C2orf49: variants seen among roughly 807,000 people sequenced by gnomAD.
C2orf49 encodes tRNA-splicing ligase complex subunit ASW.
A neutral mutation model predicts 20.6 loss-of-function variants in C2orf49; 11 were observed. The ratio of observed to expected loss-of-function variants is 0.53; its 90% CI spans 0.34 to 0.88. The LOEUF (loss-of-function observed/expected upper bound fraction) is 0.88. Ranked by LOEUF, C2orf49 falls within the 40% of genes least tolerant of loss-of-function variation. The pLI, the probability that C2orf49 is intolerant of heterozygous loss-of-function variation, is 0.02. For synonymous variants in C2orf49, 134 were observed against 108.5 expected, an observed-to-expected ratio of 1.24 and a Z score of -1.46; for missense variants, 289 against 274.2, an observed-to-expected ratio of 1.05 and a Z score of -0.38.
the C2orf49 span, among the ~76,000 whole-genome samples, chr2:105,381,413 C>T: frequency 5.9e-5 from 9 of 152,176 alleles, no homozygotes; most frequent in East Asian, 3.9e-4. Context: ...GACATGGAAA[C>T]GGAGGCTTAT....
the C2orf49 span, chr2:105,374,267 C>A: frequency 6.4e-6 from 1 of 157,428 alleles, no homozygotes; most frequent in Non-Finnish European, 1.4e-5. Flanking sequence ...CTGTGGGTGG[C>A]CGTGAGCTGG....
At chr2:105,341,916 G>A (rs746662152) in intron 2 of C2orf49, among the ~76,000 whole-genome samples, 9 of 152,280 alleles carry the variant, frequency 5.9e-5, no homozygotes, top group Middle Eastern at 3.4e-3. Context: ...AGTGGCTCAC[G>A]CCTGTAATCC....
At chr2:105,367,506 C>T in the C2orf49 span, 1 of 1,495,688 alleles carries the variant, frequency 6.7e-7, no homozygotes, top group Non-Finnish European at 9.0e-7. Flanking sequence ...AGAGAACTGA[C>T]AGACATGGAC....
At chr2:105,337,721 G>GGGGGGGGGGGGGGGGGGC in intron 1 of C2orf49, 35 bp downstream of exon 1, 3 of 26,800 alleles carry the variant, frequency 1.1e-4, no homozygotes, top group Non-Finnish European at 1.3e-4. Context: ...GGGCGGGTGG[G>GGGGGGGGGGGGGGGGGGC]CCTTCCCAGG....
At chr2:105,363,487 G>A in the C2orf49 span, 5 of 1,592,874 alleles carry the variant, frequency 3.1e-6, no homozygotes, top group Admixed American at 8.8e-5. Context: ...GGGACGAGGG[G>A]GAGAGTTAGT....
At chr2:105,344,456 T>G (rs2576770) in intron 3 of C2orf49, among the ~76,000 whole-genome samples, 115,242 of 151,542 alleles carry the variant, frequency 0.76, 44,047 homozygotes, top group East Asian at 0.86. Flanking sequence ...TATATATATA[T>G]AGAGAGAGAG....
rs1679878744 is a variant in C2orf49 at position 105,348,964 on chromosome 2, T to A, written c.*3593T>A. The A allele has an allele frequency of 6.6e-6, 1 of 152,094 alleles. No individual in the cohort carries two copies. Among genetic ancestry groups the A allele is most frequent in the African/African-American group, 2.4e-5 (1 of 41,408 alleles). The allele number at this position is 152,094 out of a possible 1,614,324, so 9.4% of individuals were successfully genotyped here. On this transcript the variant is annotated 3_prime_UTR_variant, in exon 4 of 4. Coordinates refer to ENST00000258457, the MANE Select transcript of C2orf49 (RefSeq NM_024093.3). The stretch of plus-strand genomic sequence containing the variant: ...TTGAATGAGAGGGTGGCTGGAGTGG[T>A]CTGGTGCTGGGATATCACGGTGCTA...
chr2:105,378,096 A>G, the C2orf49 span: 1 of 466,866 alleles, frequency 2.1e-6, no homozygotes, highest in Non-Finnish European at 4.5e-6. Context: ...CCCCAGATGG[A>G]GGAAAGAGCA....
chr2:105,350,843 C>T (rs1679915268), downstream of C2orf49, among the ~76,000 whole-genome samples: 1 of 152,144 alleles, frequency 6.6e-6, no homozygotes, highest in African/African-American at 2.4e-5. Context: ...TACTAACATA[C>T]ATTCATATGG....
In C2orf49 at chr2:105,346,009, G is replaced by A. The variant is rs933783407; in HGVS notation, c.*638G>A. On this transcript the variant is annotated 3_prime_UTR_variant, in exon 4 of 4. Transcript: ENST00000258457. ...TGAATTTTCGGAGTTACTCTCATTA[G>A]CCTTGTTCAGAGTCTTTGGGGGAAA... 6.6e-6 allele frequency: 1 copy of A among 151,176 alleles called. No homozygotes were observed. Among genetic ancestry groups the A allele is most frequent in the African/African-American group, 2.4e-5 (1 of 41,218 alleles). 9.4% of individuals were successfully genotyped at this position (151,176 alleles called of 1,614,324 possible).
chr2:105,358,863 G>A, the C2orf49 span: 1 of 152,194 alleles, frequency 6.6e-6, no homozygotes, highest in East Asian at 1.9e-4. Flanking sequence ...TTCATGCGAC[G>A]AACTTGGGGC....
chr2:105,347,958 GTTATAGGCACTT>G lies in C2orf49; in HGVS notation c.*2589_*2600del, dbSNP rs1679853654. The G allele has an allele frequency of 6.6e-6, 1 of 152,152 alleles. No homozygotes were observed. Among genetic ancestry groups the G allele is most frequent in the Admixed American group, 6.5e-5 (1 of 15,274 alleles). The allele number at this position is 152,152 out of a possible 1,614,324, so 9.4% of individuals were successfully genotyped here. On this transcript the variant is annotated 3_prime_UTR_variant, in exon 4 of 4. Coordinates refer to ENST00000258457, the MANE Select transcript of C2orf49 (RefSeq NM_024093.3). ...ATTAGTGGGTGGCTTGTAAGTTGTA[GTTATAGGCACTT>G]TACCACTTCCTGCCATTAGCAGGCA...
the C2orf49 span, among the ~76,000 whole-genome samples, chr2:105,376,974 A>G: frequency 6.6e-6 from 1 of 152,358 alleles, no homozygotes; most frequent in Non-Finnish European, 1.5e-5. Context: ...AGTCACATTC[A>G]TGGAGACAGA....
the C2orf49 span, among the ~76,000 whole-genome samples, chr2:105,354,608 G>A: frequency 4.0e-5 from 6 of 151,834 alleles, no homozygotes; most frequent in African/African-American, 1.5e-4. Flanking sequence ...AGAGGTTGCA[G>A]TGAGCCCTGA....
the C2orf49 span, among the ~76,000 whole-genome samples, chr2:105,382,303 T>G: frequency 6.6e-6 from 1 of 152,190 alleles, no homozygotes; most frequent in African/African-American, 2.4e-5. Context: ...GGCCAGGTGG[T>G]CACCATCTCT....
downstream of C2orf49, among the ~76,000 whole-genome samples, chr2:105,350,259 C>G (rs533848913): frequency 6.6e-6 from 1 of 152,104 alleles, no homozygotes; most frequent in Non-Finnish European, 1.5e-5. Context: ...AGGTCCCAGA[C>G]AAGGACAAAA....
At chr2:105,375,894 G>A in the C2orf49 span, 31 of 152,158 alleles carry the variant, frequency 2.0e-4, no homozygotes, top group African/African-American at 6.0e-4. Context: ...AAATCTGAGG[G>A]GAACATCACC....
chr2:105,361,276 G>C, the C2orf49 span: 2 of 1,610,284 alleles, frequency 1.2e-6, no homozygotes, highest in Non-Finnish European at 1.7e-6. Flanking sequence ...ACTTCTCTGT[G>C]TTGAATTCAG....
At chr2:105,374,595 G>A in the C2orf49 span, 1 of 152,128 alleles carries the variant, frequency 6.6e-6, no homozygotes, top group Admixed American at 6.6e-5. Flanking sequence ...GAGGCCCTGA[G>A]AAGACAGACG....
Sources: allele counts gnomAD v4.1 joint callset (sites outside exome capture counted in the v4.1 genomes callset), GRCh38; gene constraint gnomAD v4.1.1; transcripts MANE v1.5; gene names NCBI Gene and HGNC (gene_info 2026-07-23, HGNC 2026-07-21).